FARP2: variants seen among roughly 807,000 people sequenced by gnomAD.
FARP2 encodes FERM, ARH/RhoGEF and pleckstrin domain protein 2, also known as FERM, ARHGEF and pleckstrin domain-containing protein 2.
Under a neutral mutation model 130.5 loss-of-function variants are expected in FARP2, and 111 were observed. That is an observed-to-expected ratio of 0.85 (90% confidence interval 0.73 to 1.00). FARP2 has a LOEUF of 1.00. FARP2 is among the 50% of genes least tolerant of loss of function. The pLI is 0.00. For missense variants in FARP2, 1,385 were observed against 1,346.3 expected, an observed-to-expected ratio of 1.03 and a Z score of -0.45; for synonymous variants, 504 against 516.9, an observed-to-expected ratio of 0.98 and a Z score of 0.34.
At chr2:241,392,122 A>G (rs1423459772) in intron 2 of FARP2, among the ~76,000 whole-genome samples, 2 of 152,244 alleles carry the variant, frequency 1.3e-5, no homozygotes, top group Non-Finnish European at 2.9e-5. Flanking sequence ...CTAAGGTGCC[A>G]TAGGAACCGG....
At chr2:241,362,458 C>T (rs1023233701) in intron 1 of FARP2, among the ~76,000 whole-genome samples, 1 of 151,858 alleles carries the variant, frequency 6.6e-6, no homozygotes, top group Non-Finnish European at 1.5e-5. Context: ...AAAAATTAGC[C>T]GGGCATGGTG....
chr2:241,457,126 C>G (rs1229223117), intron 14 of FARP2, among the ~76,000 whole-genome samples: 1 of 152,210 alleles, frequency 6.6e-6, no homozygotes, highest in Non-Finnish European at 1.5e-5. Context: ...CCTCTTATCT[C>G]TGGGACTCCA....
intron 13 of FARP2, chr2:241,442,968 C>T (rs911096304): frequency 5.0e-6 from 1 of 198,930 alleles, no homozygotes; most frequent in Admixed American, 5.5e-5. Flanking sequence ...CAGGTTTTGT[C>T]TCACTTGTCC....
At chr2:241,370,858 C>A (rs1439918212) in intron 1 of FARP2, among the ~76,000 whole-genome samples, 1 of 152,114 alleles carries the variant, frequency 6.6e-6, no homozygotes, top group African/African-American at 2.4e-5. Context: ...GAATTTAGTT[C>A]CTTCCCTCAA....
At position 241,456,735 on chromosome 2, in the gene FARP2, G is replaced by T. The variant is rs764333796; in HGVS notation, c.1412-12G>T. 4 of 1,613,748 alleles carry T rather than the reference G, an allele frequency of 2.5e-6. No individual in the cohort carries two copies. The South Asian group carries it at 4.4e-5, about 18-fold the overall frequency. On this transcript the variant is annotated splice_polypyrimidine_tract_variant and intron_variant, in intron 13 of 26. Coordinates refer to ENST00000264042, the MANE Select transcript of FARP2 (RefSeq NM_014808.4). The stretch of plus-strand genomic sequence containing the variant: ...CATTTCTCGCTCCATCCCCCTCCCC[G>T]TTCATTTCCAGGCCTTTCCACGAAG...
chr2:241,492,773 A>C, intron 24 of FARP2, 156 bp from the exon 25 acceptor site: 1 of 579,094 alleles, frequency 1.7e-6, no homozygotes, highest in Non-Finnish European at 3.1e-6. Context: ...TGTTGGACTT[A>C]AGTACTGATA....
intron 13 of FARP2, among the ~76,000 whole-genome samples, chr2:241,453,531 A>T (rs2063739788): frequency 6.6e-6 from 1 of 151,656 alleles, no homozygotes; most frequent in Non-Finnish European, 1.5e-5. Context: ...CTGAGGCAGG[A>T]GAATGGCATG....
intron 2 of FARP2, among the ~76,000 whole-genome samples, chr2:241,381,104 T>G (rs1165696472): frequency 6.6e-6 from 1 of 152,176 alleles, no homozygotes; most frequent in Non-Finnish European, 1.5e-5. Flanking sequence ...CTCGTGCCGC[T>G]GGTGTTCTGC....
intron 2 of FARP2, among the ~76,000 whole-genome samples, chr2:241,381,427 C>G (rs1029068594): frequency 2.0e-5 from 3 of 152,132 alleles, no homozygotes; most frequent in Admixed American, 2.0e-4. Context: ...CTGAGCTCCC[C>G]TCAGCCTGCC....
At chr2:241,471,742 G>T (rs910269430) in intron 18 of FARP2, among the ~76,000 whole-genome samples, 2 of 151,990 alleles carry the variant, frequency 1.3e-5, no homozygotes, top group African/African-American at 4.8e-5. Context: ...TGATCCGCCC[G>T]CCTCAGCCTC....
At chr2:241,441,706 G>T in intron 13 of FARP2, 150 bp downstream of exon 13, 2 of 1,190,672 alleles carry the variant, frequency 1.7e-6, no homozygotes, top group Non-Finnish European at 2.5e-6. Flanking sequence ...CTTTACCACA[G>T]GCTCATTTCC....
chr2:241,368,629 A>G (rs759881300), intron 1 of FARP2, among the ~76,000 whole-genome samples: 2 of 152,074 alleles, frequency 1.3e-5, no homozygotes, highest in Non-Finnish European at 2.9e-5. Flanking sequence ...CCGGTATTCT[A>G]TTAATGTATT....
chr2:241,457,937 C>T (rs2063906324), intron 14 of FARP2, among the ~76,000 whole-genome samples: 1 of 152,132 alleles, frequency 6.6e-6, no homozygotes, highest in Admixed American at 6.5e-5. Context: ...AGGGGTGAGG[C>T]TTTATGACAA....
At chr2:241,426,561 G>A (rs542400820) in intron 8 of FARP2, among the ~76,000 whole-genome samples, 2 of 152,242 alleles carry the variant, frequency 1.3e-5, no homozygotes, top group Admixed American at 6.5e-5. Flanking sequence ...TCAGAAATAC[G>A]GGTGAATGAA....
At chr2:241,491,410 G>T in intron 23 of FARP2, 106 bp from the exon 24 acceptor site, 2 of 1,275,044 alleles carry the variant, frequency 1.6e-6, no homozygotes, top group Non-Finnish European at 2.2e-6. Flanking sequence ...AGCACCAAGG[G>T]CTCCCCATTT....
intron 2 of FARP2, among the ~76,000 whole-genome samples, chr2:241,398,807 G>C (rs901124067): frequency 6.6e-6 from 1 of 152,136 alleles, no homozygotes; most frequent in East Asian, 1.9e-4. Flanking sequence ...GACCTCAGGT[G>C]ATCTGCCTGC....
intron 26 of FARP2, chr2:241,493,730 G>A (rs1485369023): frequency 1.9e-6 from 1 of 512,836 alleles, no homozygotes; most frequent in Non-Finnish European, 3.5e-6. Context: ...GAGTAACTGA[G>A]ATTACAGGCA....
chr2:241,384,061 AAG>A (rs1559718709), intron 2 of FARP2, among the ~76,000 whole-genome samples: 27 of 150,664 alleles, frequency 1.8e-4, no homozygotes, highest in African/African-American at 6.3e-4. Context: ...GGTGAATGCC[AAG>A]TGTCAGAGAT....
chr2:241,424,581 C>T (rs1295313961), intron 8 of FARP2, among the ~76,000 whole-genome samples: 2 of 152,090 alleles, frequency 1.3e-5, no homozygotes, highest in African/African-American at 4.8e-5. Flanking sequence ...AACCTCAAAG[C>T]TAGCAGAAGA....
Sources: gnomAD v4.1 joint callset for allele counts (sites outside exome capture counted in the v4.1 genomes callset) on GRCh38, gnomAD v4.1.1 for gene constraint, MANE v1.5 for transcripts, NCBI Gene and HGNC (gene_info 2026-07-23, HGNC 2026-07-21) for gene names.